Variants in ADAMTS20 observed in about 807,000 individuals in gnomAD.
ADAMTS20 encodes the protein A disintegrin and metalloproteinase with thrombospondin motifs 20.
Under a neutral mutation model 260.1 loss-of-function variants are expected in ADAMTS20, and 225 were observed. The ratio of observed to expected loss-of-function variants is 0.87; its 90% CI spans 0.78 to 0.97. The LOEUF (loss-of-function observed/expected upper bound fraction) is 0.97. Among genes scored for constraint, ADAMTS20 ranks in the 50% least tolerant of loss-of-function variants. The pLI, the probability that ADAMTS20 is intolerant of heterozygous loss-of-function variation, is 0.00. For missense variants in ADAMTS20, 2,400 were observed against 2,337.7 expected (o/e 1.03, Z -0.55); for synonymous variants, 802 against 769.5 (o/e 1.04, Z -0.70).
At chr12:43,521,333 T>G (rs1012043440) in intron 3 of ADAMTS20, among the ~76,000 whole-genome samples, 1 of 152,190 alleles carries the variant, frequency 6.6e-6, no homozygotes, top group Non-Finnish European at 1.5e-5. Context: ...ATTATTACAT[T>G]TAAAGGAATG....
chr12:43,526,002 C>T (rs755138012), intron 3 of ADAMTS20, among the ~76,000 whole-genome samples: 9 of 152,154 alleles, frequency 5.9e-5, no homozygotes, highest in African/African-American at 1.4e-4. Context: ...AAACACTAGG[C>T]TTAACGTACA....
chr12:43,434,685 A>G (rs968278071), intron 18 of ADAMTS20, among the ~76,000 whole-genome samples: 1 of 152,188 alleles, frequency 6.6e-6, no homozygotes, highest in Non-Finnish European at 1.5e-5. Flanking sequence ...TAAGGACAGC[A>G]CTGTTGCTAT....
At position 43,466,653 on chromosome 12, in the gene ADAMTS20, C is replaced by G; in HGVS notation, c.1366G>C (p.Asp456His). 1.2e-6 allele frequency: 2 copies of G among 1,604,766 alleles called. No individual in the cohort carries two copies. Among genetic ancestry groups the G allele is most frequent in the African/African-American group, 1.3e-5 (1 of 74,608 alleles). ...ATTATTTAACATAAATTTACTTACTCTAGGAATTCAGTAACATATTTCCGA... is the reference window on the plus strand; with the variant it reads ...ATTATTTAACATAAATTTACTTACTGTAGGAATTCAGTAACATATTTCCGA... Reference protein sequence around the residue: ...CSRKYVTEFLDTGYGECLLDK... With the variant: ...CSRKYVTEFLHTGYGECLLDK... The change falls in exon 9 of 39, where the codon GAT becomes CAT. Residue 456 changes from aspartate to histidine, a missense_variant and splice_region_variant. Coordinates refer to ENST00000389420, the MANE Select transcript of ADAMTS20 (RefSeq NM_025003.5).
chr12:43,385,542 G>A (rs1386478889), intron 29 of ADAMTS20, among the ~76,000 whole-genome samples: 1 of 152,116 alleles, frequency 6.6e-6, no homozygotes, highest in Non-Finnish European at 1.5e-5. Flanking sequence ...GTCCTGAATG[G>A]TATTTCCTAG....
rs1367588500 is a variant in ADAMTS20, at chr12:43,404,726, AATT to A, written c.4285-5496_4285-5494del. Among the ~76,000 whole-genome samples the A allele has an allele frequency of 2.0e-5, 3 of 152,176 alleles. No individual in the cohort carries two copies. The East Asian group carries it at 5.8e-4, about 29-fold the overall frequency. On this transcript the variant is annotated intron_variant, in intron 28 of 38. Transcript: ENST00000389420. ...CAAAACTAATATTTAATACACTAAA[AATT>A]AGTCTTTGAAACACAATATTAGAAA...
At chr12:43,538,554 G>T (rs939987000) in intron 2 of ADAMTS20, among the ~76,000 whole-genome samples, 1 of 152,108 alleles carries the variant, frequency 6.6e-6, no homozygotes, top group Non-Finnish European at 1.5e-5. Context: ...TGCTTTGGTT[G>T]CCTGTGCTTG....
At chr12:43,514,874 A>G (rs1357016086) in intron 3 of ADAMTS20, among the ~76,000 whole-genome samples, 3 of 152,230 alleles carry the variant, frequency 2.0e-5, no homozygotes, top group Admixed American at 6.5e-5. Flanking sequence ...CATGCTGAAT[A>G]TCGATATCTA....
intron 3 of ADAMTS20, among the ~76,000 whole-genome samples, chr12:43,524,151 T>C (rs1943109811): frequency 9.5e-5 from 2 of 20,946 alleles, no homozygotes; most frequent in African/African-American, 3.2e-4. Context: ...TTACCTTGGC[T>C]AATCAGGAGG....
chr12:43,527,774 G>A (rs1454567522), intron 3 of ADAMTS20, among the ~76,000 whole-genome samples: 1 of 152,062 alleles, frequency 6.6e-6, no homozygotes, highest in Non-Finnish European at 1.5e-5. Flanking sequence ...CTGAGAACTG[G>A]AACAAGGCAA....
rs181975585 is a variant in ADAMTS20, at chr12:43,457,965, C to G, written c.1615-3913G>C. On this transcript the variant is annotated intron_variant, in intron 11 of 38. Coordinates refer to ENST00000389420, the MANE Select transcript of ADAMTS20 (RefSeq NM_025003.5). ...CTGTGTGAACCCCAAAAATTTATGA[C>G]AGGTCTCAGTTAATTTAGAAAGTTT... Among the ~76,000 whole-genome samples the G allele has an allele frequency of 2.5e-3, 387 of 152,258 alleles. 2 individuals are homozygous for G. Among genetic ancestry groups the G allele is most frequent in the African/African-American group, 9.1e-3 (377 of 41,554 alleles).
intron 37 of ADAMTS20, 51 bp downstream of exon 37, chr12:43,369,239 C>G: frequency 8.7e-7 from 1 of 1,150,010 alleles, no homozygotes; most frequent in East Asian, 3.1e-5. Context: ...TGAAGAGAAG[C>G]TATAATTTTT....
chr12:43,479,238 G>A (rs1942405932), intron 7 of ADAMTS20, among the ~76,000 whole-genome samples: 1 of 152,024 alleles, frequency 6.6e-6, no homozygotes, highest in Non-Finnish European at 1.5e-5. Context: ...AGCTAGACGA[G>A]GTAACTAATT....
intron 3 of ADAMTS20, among the ~76,000 whole-genome samples, chr12:43,513,439 G>A (rs1942952590): frequency 6.6e-6 from 1 of 152,044 alleles, no homozygotes; most frequent in African/African-American, 2.4e-5. Context: ...TAATGGAAAG[G>A]AACATGCACA....
chr12:43,416,410 C>T (rs112889411), intron 28 of ADAMTS20, among the ~76,000 whole-genome samples: 4 of 152,130 alleles, frequency 2.6e-5, no homozygotes, highest in African/African-American at 9.6e-5. Context: ...AGGCATGATC[C>T]TCATTGGTCT....
intron 35 of ADAMTS20, 90 bp from the exon 36 acceptor site, chr12:43,375,602 C>G: frequency 7.2e-7 from 1 of 1,383,292 alleles, no homozygotes; most frequent in South Asian, 1.2e-5. Flanking sequence ...AAAACACACT[C>G]CTGCTCTTTA....
At chr12:43,471,037 C>A (rs997261075) in intron 7 of ADAMTS20, among the ~76,000 whole-genome samples, 3 of 152,134 alleles carry the variant, frequency 2.0e-5, no homozygotes, top group Non-Finnish European at 4.4e-5. Flanking sequence ...GTGAGCGACG[C>A]AGAAGACGGG....
At chr12:43,455,897 C>T (rs368611462) in intron 11 of ADAMTS20, among the ~76,000 whole-genome samples, 2 of 152,038 alleles carry the variant, frequency 1.3e-5, no homozygotes, top group Non-Finnish European at 2.9e-5. Flanking sequence ...TTAGTAGAGA[C>T]AGGGTTTCAC....
chr12:43,389,692 T>TTTTTTTG (rs1555174073), intron 29 of ADAMTS20, among the ~76,000 whole-genome samples: 2 of 151,694 alleles, frequency 1.3e-5, no homozygotes, highest in Non-Finnish European at 2.9e-5. Context: ...CAGCCAGGTT[T>TTTTTTTG]TTTTTGTTTT....
At chr12:43,430,683 G>A (rs770808062) in intron 22 of ADAMTS20, among the ~76,000 whole-genome samples, 29 of 151,908 alleles carry the variant, frequency 1.9e-4, no homozygotes, top group Non-Finnish European at 3.5e-4. Flanking sequence ...TAACCAAACT[G>A]TACAACAATT....
Sources: allele counts gnomAD v4.1 joint callset (sites outside exome capture counted in the v4.1 genomes callset), GRCh38; gene constraint gnomAD v4.1.1; transcripts MANE v1.5; gene names NCBI Gene and HGNC (gene_info 2026-07-23, HGNC 2026-07-21).